Variants in NSUN3 observed in about 807,000 individuals in gnomAD.
The protein encoded by NSUN3 is NOP2/Sun RNA methyltransferase 3.
In NSUN3, 24 loss-of-function variants were observed where a neutral mutation model predicts 36.8. The observed-to-expected ratio is 0.65, with a 90% CI of 0.47 to 0.92. The LOEUF is 0.92. Among genes scored for constraint, NSUN3 ranks in the 40% least tolerant of loss-of-function variants. The pLI is 0.00. For missense variants in NSUN3, 381 were observed against 392.8 expected, an observed-to-expected ratio of 0.97 and a Z score of 0.25; for synonymous variants, 146 against 145.2, an observed-to-expected ratio of 1.01 and a Z score of -0.04.
Position 94,094,155 on chromosome 3 carries a change from A to T in NSUN3, c.482A>T (p.Asn161Ile). Residue 161 changes from asparagine to isoleucine, a missense_variant, in exon 4 of 6, where the codon AAT becomes ATT. Physicochemically the swap from Asn to Ile is moderately radical, Grantham distance 149 (BLOSUM62 -3). Coordinates refer to ENST00000314622, the MANE Select transcript of NSUN3 (RefSeq NM_022072.5). ...QCACPGYLHCNEYDSLRLRWL... is the reference protein window; with the variant it reads ...QCACPGYLHCIEYDSLRLRWL... ...TTTTATTTAGGTTATCTTCATTGTA[A>T]TGAATATGATAGTCTGAGATTGAGG... is the stretch of plus-strand genomic sequence containing the variant. The T allele has an allele frequency of 2.5e-6, 4 of 1,604,642 alleles. No homozygotes were observed. Among genetic ancestry groups the T allele is most frequent in the Non-Finnish European group, 3.4e-6 (4 of 1,176,640 alleles).
At chr3:94,108,075 A>AT (rs35482829) in intron 5 of NSUN3, among the ~76,000 whole-genome samples, 3 of 149,698 alleles carry the variant, frequency 2.0e-5, no homozygotes, top group Non-Finnish European at 3.0e-5. Context: ...TCTACTCAGA[A>AT]TTTTTTTTGA....
chr3:94,065,102 G>T (rs2077199005), intron 2 of NSUN3, among the ~76,000 whole-genome samples: 1 of 152,154 alleles, frequency 6.6e-6, no homozygotes, highest in South Asian at 2.1e-4. Context: ...TTGGTAAGAT[G>T]ATGTTAATGT....
chr3:94,098,159 TAA>T (rs947492595), intron 5 of NSUN3, among the ~76,000 whole-genome samples: 3 of 152,184 alleles, frequency 2.0e-5, no homozygotes, highest in Admixed American at 1.3e-4. Flanking sequence ...TATATTTGCC[TAA>T]GTCAGACACC....
chr3:94,102,212 A>AC (rs2077368724), intron 5 of NSUN3, among the ~76,000 whole-genome samples: 1 of 151,038 alleles, frequency 6.6e-6, no homozygotes, highest in Non-Finnish European at 1.5e-5. Context: ...TAAAAAAAAA[A>AC]AAAAAAAAAA....
chr3:94,126,653 G>C lies in NSUN3; in HGVS notation c.*163G>C. ...GAATCTAGGCTTGAGAATTGTTCAGGTGTATTTTTTTCCTAGAAATATATC... is the reference window on the plus strand; with the variant it reads ...GAATCTAGGCTTGAGAATTGTTCAGCTGTATTTTTTTCCTAGAAATATATC... On this transcript the variant is annotated 3_prime_UTR_variant, in exon 6 of 6. Transcript: ENST00000314622. The C allele has an allele frequency of 1.6e-6, 1 of 619,644 alleles. No homozygotes were observed. Among genetic ancestry groups the C allele is most frequent in the Middle Eastern group, 4.5e-4 (1 of 2,240 alleles). 38.4% of individuals were successfully genotyped at this position (619,644 alleles called of 1,614,324 possible).
rs947063882 is a variant in NSUN3 at position 94,126,271 on chromosome 3, C to T, written c.804C>T (p.Ser268=). 5 of 1,614,074 alleles carry T rather than the reference C, an allele frequency of 3.1e-6. No individual in the cohort carries two copies. The South Asian group carries it at 4.4e-5, about 14-fold the overall frequency. ...TTGTATACTCTACATGCACGCTTTCCAAGGCAGAAAATCAAGATGTGATCA... is the reference window on the plus strand; with the variant it reads ...TTGTATACTCTACATGCACGCTTTCTAAGGCAGAAAATCAAGATGTGATCA... ...GILVYSTCTL[S]KAENQDVISE... Residue 268 remains serine, a synonymous_variant, in exon 6 of 6, where the codon TCC becomes TCT. Coordinates refer to ENST00000314622, the MANE Select transcript of NSUN3 (RefSeq NM_022072.5).
At chr3:94,076,633 A>G (rs2077247648) in intron 2 of NSUN3, 1 of 985,904 alleles carries the variant, frequency 1.0e-6, no homozygotes, top group African/African-American at 1.6e-5. Context: ...AAGAAAGCCC[A>G]TAGCCTTTTT....
chr3:94,066,306 C>T (rs950787304), intron 2 of NSUN3, among the ~76,000 whole-genome samples: 2 of 152,064 alleles, frequency 1.3e-5, no homozygotes, highest in Admixed American at 6.5e-5. Context: ...CTAAATTTGC[C>T]ATAGGCAAAA....
intron 5 of NSUN3, among the ~76,000 whole-genome samples, chr3:94,124,148 CTTTTTTT>C (rs58987431): frequency 1.1e-5 from 1 of 88,186 alleles, no homozygotes; most frequent in Non-Finnish European, 2.1e-5. Flanking sequence ...TATTTTATTT[CTTTTTTT>C]TTTTTTTTTT....
chr3:94,084,302 A>C lies in NSUN3; in HGVS notation c.318A>C (p.Gln106His). ...GCCGAATCCCTTCAGAAAGACACCA[A>C]ATTGGAAACCTGAAAAAATATTATC... ...TPGRIPSERHQIGNLKKYYLL... is the reference protein window; with the variant it reads ...TPGRIPSERHHIGNLKKYYLL... The change falls in exon 3 of 6, where the codon CAA (glutamine) becomes CAC (histidine). Residue 106 changes from glutamine (Q) to histidine (H), a missense_variant. Transcript: ENST00000314622. The C allele has an allele frequency of 1.2e-6, 2 of 1,614,050 alleles. No individual in the cohort carries two copies. The highest frequency in any genetic ancestry group is 1.7e-6 in the Non-Finnish European group (2 of 1,179,996).
Position 94,084,200 on chromosome 3 carries a change from G to A in NSUN3, c.216G>A (p.Lys72=), listed in dbSNP as rs759952808. Residue 72 remains lysine (K), a synonymous_variant, in exon 3 of 6, where the codon AAG becomes AAA. Transcript: ENST00000314622. ...PFELEKDLHL[K]GYHTLSQGSL... ...AACTGGAAAAGGATTTACATTTGAA[G>A]GGCTATCACACACTCTCTCAGGGAT... The A allele has an allele frequency of 6.8e-6, 11 of 1,613,954 alleles. No homozygotes were observed. Among genetic ancestry groups the A allele is most frequent in the Admixed American group, 1.7e-5 (1 of 59,988 alleles).
At chr3:94,088,109 C>T (rs1277197608) in intron 3 of NSUN3, among the ~76,000 whole-genome samples, 1 of 152,120 alleles carries the variant, frequency 6.6e-6, no homozygotes, top group Non-Finnish European at 1.5e-5. Context: ...CCTTTCTCTT[C>T]CCCTGCTCCT....
At position 94,129,840 on chromosome 3, in the gene NSUN3, G is replaced by A. The variant is rs1472481827; in HGVS notation, c.*3350G>A. ...ATGATCTCAGCTCACTGCAACCTCT[G>A]CCTCCCGGGTTCAAGCAGTTTTCTG... On this transcript the variant is annotated 3_prime_UTR_variant, in exon 6 of 6. Transcript: ENST00000314622. Among the ~76,000 whole-genome samples, 2 of 139,046 alleles carry A rather than the reference G, an allele frequency of 1.4e-5. No individual in the cohort carries two copies. Among genetic ancestry groups the A allele is most frequent in the African/African-American group, 5.5e-5 (2 of 36,694 alleles). The allele number at this position is 139,046 out of a possible 152,430, so 91.2% of individuals were successfully genotyped here. A position where few individuals can be genotyped will look rare whatever the true frequency, so the allele number is the denominator to read the frequency against.
intron 3 of NSUN3, among the ~76,000 whole-genome samples, chr3:94,086,043 G>A (rs1450786841): frequency 6.6e-6 from 1 of 150,980 alleles, no homozygotes; most frequent in African/African-American, 2.4e-5. Flanking sequence ...TCCCAGGTTC[G>A]AGTGATTCTC....
chr3:94,100,156 G>C (rs1396001398), intron 5 of NSUN3, among the ~76,000 whole-genome samples: 1 of 152,198 alleles, frequency 6.6e-6, no homozygotes, highest in East Asian at 1.9e-4. Flanking sequence ...GTGAGAAAAG[G>C]AGTGGAAAAG....
chr3:94,076,779 A>G, intron 2 of NSUN3: 1 of 1,545,074 alleles, frequency 6.5e-7, no homozygotes, highest in Non-Finnish European at 8.9e-7. Context: ...TGGGGCATAT[A>G]ACGGGCCCTG....
chr3:94,085,946 C>CTTT (rs1249632543), intron 3 of NSUN3, among the ~76,000 whole-genome samples: 1 of 137,990 alleles, frequency 7.2e-6, no homozygotes, highest in Non-Finnish European at 1.6e-5. Flanking sequence ...GCAGTGTTGC[C>CTTT]TTTTTTTTTT....
chr3:94,094,242 C>T lies in NSUN3; in HGVS notation c.569C>T (p.Ser190Phe). Residue 190 changes from serine (S) to phenylalanine (F), a missense_variant, in exon 4 of 6, where the codon TCT becomes TTT. Coordinates refer to ENST00000314622, the MANE Select transcript of NSUN3 (RefSeq NM_022072.5). Reference protein sequence around the residue: ...PQPLINVIKVSELDGRKMGDA... With the variant: ...PQPLINVIKVFELDGRKMGDA... ...CCTTTGATAAATGTAATTAAAGTGT[C>T]TGAATTGGATGGCAGAAAAATGGGA... The T allele has an allele frequency of 1.2e-6, 2 of 1,613,636 alleles. No homozygotes were observed. Among genetic ancestry groups the T allele is most frequent in the Non-Finnish European group, 1.7e-6 (2 of 1,179,822 alleles).
intron 5 of NSUN3, among the ~76,000 whole-genome samples, chr3:94,095,755 GT>G (rs1212602042): frequency 3.3e-5 from 5 of 151,812 alleles, no homozygotes; most frequent in African/African-American, 1.2e-4. Flanking sequence ...TTGTTTGTTT[GT>G]TTGTTTTTGA....
Sources: allele counts gnomAD v4.1 joint callset (sites outside exome capture counted in the v4.1 genomes callset), GRCh38; gene constraint gnomAD v4.1.1; transcripts MANE v1.5; gene names NCBI Gene and HGNC (gene_info 2026-07-23, HGNC 2026-07-21).